QSOX1: variants seen among roughly 807,000 people sequenced by gnomAD.
QSOX1 encodes the protein sulfhydryl oxidase 1.
QSOX1 carries 40 observed loss-of-function variants against 76.1 expected under a neutral mutation model. That is an observed-to-expected ratio of 0.53 (90% confidence interval 0.41 to 0.68). QSOX1 has a LOEUF of 0.68. Ranked by LOEUF, QSOX1 falls within the 30% of genes least tolerant of loss-of-function variation. QSOX1 has a pLI of 0.00. For synonymous variants in QSOX1, 392 were observed against 413.1 expected (o/e 0.95, Z 0.62); for missense variants, 931 against 974.3 (o/e 0.96, Z 0.59).
chr1:180,169,207 G>C (rs535888286), intron 2 of QSOX1, among the ~76,000 whole-genome samples: 3 of 152,254 alleles, frequency 2.0e-5, no homozygotes, highest in African/African-American at 7.2e-5. Context: ...GGGCTGGTTG[G>C]CTGCAGGTTC....
chr1:180,156,427 A>G (rs1246744259), intron 1 of QSOX1, among the ~76,000 whole-genome samples: 1 of 152,206 alleles, frequency 6.6e-6, no homozygotes, highest in Admixed American at 6.5e-5. Context: ...AGAAAGGGGA[A>G]CTGGAACCAT....
chr1:180,171,316 C>G (rs1662753105), intron 2 of QSOX1, among the ~76,000 whole-genome samples: 1 of 151,834 alleles, frequency 6.6e-6, no homozygotes, highest in Non-Finnish European at 1.5e-5. Context: ...GACTTGTCAG[C>G]TAACTGGATG....
intron 1 of QSOX1, among the ~76,000 whole-genome samples, chr1:180,158,229 T>A (rs929690625): frequency 6.6e-6 from 1 of 152,192 alleles, no homozygotes; most frequent in African/African-American, 2.4e-5. Flanking sequence ...GGAGGAAGGA[T>A]ACTCCAGGTG....
At chr1:180,194,495 T>C (rs1663410891) in intron 11 of QSOX1, 103 bp downstream of exon 11, 2 of 1,163,096 alleles carry the variant, frequency 1.7e-6, no homozygotes, top group African/African-American at 3.1e-5. Flanking sequence ...ACACTCATTG[T>C]CCCCTCAGTC....
In QSOX1 at chr1:180,201,018, G is replaced by C. The variant is rs946605629; in HGVS notation, c.*3981G>C. 6.6e-6 allele frequency: 1 copy of C among 152,214 alleles called. No homozygotes were observed. Among genetic ancestry groups the C allele is most frequent in the Non-Finnish European group, 1.5e-5 (1 of 68,032 alleles). The allele number at this position is 152,214 out of a possible 1,614,324, so 9.4% of individuals were successfully genotyped here. A position where few individuals can be genotyped will look rare whatever the true frequency, so the allele number is the denominator to read the frequency against. ...CCCTACATCGAGGCTGAAGTGCCCT[G>C]TCTCGGGTCCTTGTTTTTAGGCCTC... On this transcript the variant is annotated 3_prime_UTR_variant, in exon 12 of 12. Transcript: ENST00000367602.
rs530690601 is a variant in QSOX1 at position 180,181,980 on chromosome 1, C to T, written c.607-194C>T. On this transcript the variant is annotated intron_variant, in intron 5 of 11. Coordinates refer to ENST00000367602, the MANE Select transcript of QSOX1 (RefSeq NM_002826.5). The stretch of plus-strand genomic sequence containing the variant: ...CTCTCCTCCTGGGCAGTGATTGGCA[C>T]TTGCTACCTACTGGTTAGCTGCTGT... 1.1e-4 allele frequency among the ~76,000 whole-genome samples: 17 copies of T among 152,386 alleles called. No individual in the cohort carries two copies. The South Asian group carries it at 1.4e-3, about 13-fold the overall frequency.
At chr1:180,186,696 C>T (rs543778646) in intron 8 of QSOX1, among the ~76,000 whole-genome samples, 1 of 152,244 alleles carries the variant, frequency 6.6e-6, no homozygotes, top group Non-Finnish European at 1.5e-5. Flanking sequence ...AGGGTAGCTC[C>T]TATTTATTGA....
At position 180,194,221 on chromosome 1, in the gene QSOX1, A is replaced by G. The variant is rs1477620302; in HGVS notation, c.1297A>G (p.Lys433Glu). ...TCTCCTCTGCCCTGTAGCCAAGGCC[A>G]AGGAGGTCCTCCCAGCCATCCGAGG... is the stretch of plus-strand genomic sequence containing the variant. ...VDHSQEAAKAKEVLPAIRGYV... is the reference protein window; with the variant it reads ...VDHSQEAAKAEEVLPAIRGYV... Residue 433 changes from lysine to glutamate, a missense_variant, in exon 11 of 12, where the codon AAG becomes GAG. Coordinates refer to ENST00000367602, the MANE Select transcript of QSOX1 (RefSeq NM_002826.5). 1.9e-6 allele frequency: 3 copies of G among 1,611,974 alleles called. No homozygotes were observed. The highest frequency in any genetic ancestry group is 4.5e-5 in the East Asian group (2 of 44,864).
At position 180,203,121 on chromosome 1, in the gene QSOX1, A is replaced by G. The variant is rs1303816756; in HGVS notation, c.*6084A>G. On this transcript the variant is annotated 3_prime_UTR_variant, in exon 12 of 12. Coordinates refer to ENST00000367602, the MANE Select transcript of QSOX1 (RefSeq NM_002826.5). ...AAAATAAAGTAAAGCTACATATTTAAAAGCTGGGGAAATATATGCTGTAAA... is the reference window on the plus strand; with the variant it reads ...AAAATAAAGTAAAGCTACATATTTAGAAGCTGGGGAAATATATGCTGTAAA... 5.3e-5 allele frequency: 8 copies of G among 152,154 alleles called. No individual in the cohort carries two copies. The highest frequency in any genetic ancestry group is 1.7e-4 in the African/African-American group (7 of 41,438). The allele number at this position is 152,154 out of a possible 1,614,324, so 9.4% of individuals were successfully genotyped here.
chr1:180,196,113 T>G lies in QSOX1; in HGVS notation c.1469-149T>G. The G allele has an allele frequency of 1.0e-6, 1 of 999,660 alleles. No homozygotes were observed. Among genetic ancestry groups the G allele is most frequent in the Non-Finnish European group, 1.4e-6 (1 of 698,424 alleles). 61.9% of individuals were successfully genotyped at this position (999,660 alleles called of 1,614,324 possible). A position where few individuals can be genotyped will look rare whatever the true frequency, so the allele number is the denominator to read the frequency against. On this transcript the variant is annotated intron_variant, in intron 11 of 11. Transcript: ENST00000367602. This position sits in a 1 kb window ranked among gnomAD's most constrained non-coding sequence, Gnocchi z 4.1. ...TCCCACTGTGGGCTAGTGTTTGTAA[T>G]CTGTATTTTCTAATTACCCATCCTC... is the stretch of plus-strand genomic sequence containing the variant.
At chr1:180,166,008 C>G (rs970016518) in intron 1 of QSOX1, among the ~76,000 whole-genome samples, 2 of 152,218 alleles carry the variant, frequency 1.3e-5, no homozygotes, top group African/African-American at 4.8e-5. Flanking sequence ...CTGCCCACTA[C>G]CAGTATCTCT....
At position 180,183,861 on chromosome 1, in the gene QSOX1, C is replaced by G. The variant is rs1663100951; in HGVS notation, c.753-55C>G. 1.4e-5 allele frequency: 22 copies of G among 1,543,062 alleles called. 1 individual carries two copies. In the East Asian group the frequency reaches 5.0e-4, roughly 35 times the overall value. On this transcript the variant is annotated intron_variant, in intron 6 of 11. Transcript: ENST00000367602. Reference sequence around the variant, plus strand: ...CTTCCTCTTCTGACATTGGTTAGCTCTAATCTTGTTCTCTGCACTTACTGC... The same window carrying G: ...CTTCCTCTTCTGACATTGGTTAGCTGTAATCTTGTTCTCTGCACTTACTGC...
intron 10 of QSOX1, among the ~76,000 whole-genome samples, chr1:180,192,461 C>T (rs920269983): frequency 6.6e-6 from 1 of 152,206 alleles, no homozygotes; most frequent in African/African-American, 2.4e-5. Context: ...GAGCAAGCTG[C>T]ATGCTCGCCC....
chr1:180,170,793 A>G (rs1662743957), intron 2 of QSOX1, among the ~76,000 whole-genome samples: 1 of 152,230 alleles, frequency 6.6e-6, no homozygotes, highest in African/African-American at 2.4e-5. Flanking sequence ...GGCTTCCAGC[A>G]TGGTCAAAGG....
rs186748960 is a variant in QSOX1, at chr1:180,187,051, A to T, written c.1017+869A>T. ...AGCCTCCCTTGGCCCTGGGGCCCGG[A>T]TCTGAGCCCACCCTCCTCAGTGTGG... On this transcript the variant is annotated intron_variant, in intron 8 of 11. Transcript: ENST00000367602. Among the ~76,000 whole-genome samples the T allele has an allele frequency of 2.0e-5, 3 of 152,258 alleles. No homozygotes were observed. The East Asian group carries it at 5.8e-4, about 29-fold the overall frequency.
chr1:180,190,714 C>A, intron 10 of QSOX1, 134 bp downstream of exon 10: 1 of 1,149,962 alleles, frequency 8.7e-7, no homozygotes, highest in Non-Finnish European at 1.2e-6. Flanking sequence ...GGAGAGTCAG[C>A]CTTGGGGCTC....
rs772712196 is a variant in QSOX1, at chr1:180,190,630, C to G, written c.1288+50C>G. 9.6e-6 allele frequency: 15 copies of G among 1,554,620 alleles called. 1 individual carries two copies. In the African/African-American group the frequency reaches 1.4e-4, roughly 15 times the overall value. On this transcript the variant is annotated intron_variant, in intron 10 of 11. Coordinates refer to ENST00000367602, the MANE Select transcript of QSOX1 (RefSeq NM_002826.5). Reference sequence around the variant, plus strand: ...ACTGTGCCTCCAACCCTGCTCTGTTCGGCCCTCCAAGGGGAGAGGGGGCAG... The same window carrying G: ...ACTGTGCCTCCAACCCTGCTCTGTTGGGCCCTCCAAGGGGAGAGGGGGCAG...
At chr1:180,195,643 C>T (rs1029708049) in intron 11 of QSOX1, among the ~76,000 whole-genome samples, 1 of 152,128 alleles carries the variant, frequency 6.6e-6, no homozygotes, top group Non-Finnish European at 1.5e-5. Context: ...CAGCAGCATC[C>T]TGACTCTTCC....
In QSOX1 at chr1:180,164,725, G is replaced by T. The variant is rs151190474; in HGVS notation, c.266-1766G>T. On this transcript the variant is annotated intron_variant, in intron 1 of 11. Transcript: ENST00000367602. ...TGAAATTGTGTTCTTCTGAGACGTCGTAAGGAGTAAGTTCTAGGGTGGAGT... is the reference window on the plus strand; with the variant it reads ...TGAAATTGTGTTCTTCTGAGACGTCTTAAGGAGTAAGTTCTAGGGTGGAGT... Among the ~76,000 whole-genome samples the T allele has an allele frequency of 2.6e-5, 4 of 152,326 alleles. No homozygotes were observed. The East Asian group carries it at 7.7e-4, about 29-fold the overall frequency.
Sources: gnomAD v4.1 joint callset for allele counts (sites outside exome capture counted in the v4.1 genomes callset) on GRCh38, gnomAD v4.1.1 for gene constraint, Gnocchi (gnomAD v3.1) non-coding constraint, MANE v1.5 for transcripts, NCBI Gene and HGNC (gene_info 2026-07-23, HGNC 2026-07-21) for gene names.